MTHFD1L: variants seen among roughly 807,000 people sequenced by gnomAD.
The protein encoded by MTHFD1L is methylenetetrahydrofolate dehydrogenase (NADP+ dependent) 1 like, also known as monofunctional C1-tetrahydrofolate synthase, mitochondrial.
Under a neutral mutation model 119.5 loss-of-function variants are expected in MTHFD1L, and 81 were observed. That is an observed-to-expected ratio of 0.68 (90% CI 0.57 to 0.82). The LOEUF is 0.82. Among genes scored for constraint, MTHFD1L ranks in the 40% least tolerant of loss-of-function variants. The pLI, the probability that MTHFD1L is intolerant of heterozygous loss-of-function variation, is 0.00. For missense variants in MTHFD1L, 1,125 were observed against 1,253.4 expected, an observed-to-expected ratio of 0.90 and a Z score of 1.55; for synonymous variants, 430 against 475.2, an observed-to-expected ratio of 0.90 and a Z score of 1.24.
At chr6:150,871,044 C>T (rs1286394460) in intron 1 of MTHFD1L, among the ~76,000 whole-genome samples, 1 of 137,364 alleles carries the variant, frequency 7.3e-6, no homozygotes. Context: ...ATATATATAC[C>T]TTATAATATA....
intron 27 of MTHFD1L, among the ~76,000 whole-genome samples, chr6:151,095,140 T>C (rs75117175): frequency 0.06 from 9,202 of 152,314 alleles, 368 homozygotes; most frequent in South Asian, 0.14. Context: ...GCATCTTTGA[T>C]CTTTGTTATT....
intron 7 of MTHFD1L, among the ~76,000 whole-genome samples, chr6:150,895,260 G>A (rs1784030645): frequency 6.6e-6 from 1 of 152,214 alleles, no homozygotes; most frequent in Non-Finnish European, 1.5e-5. Context: ...CCAGTCTGAA[G>A]TGGGTGTGGT....
chr6:150,959,783 T>C (rs12214306), intron 17 of MTHFD1L, among the ~76,000 whole-genome samples: 3,897 of 152,304 alleles, frequency 0.026, 77 homozygotes, highest in South Asian at 0.038. Flanking sequence ...AGGTGGCCCG[T>C]AGGCTAGTCA....
In MTHFD1L at chr6:150,866,702, T is replaced by C. The variant is rs112598156; in HGVS notation, c.227+653T>C. ...GAGGTCTCAGCGCTGGTTTCCAGCT[T>C]CGCCGCGCAGCGCCCACGGAGTCCC... On this transcript the variant is annotated intron_variant, in intron 1 of 27. Coordinates refer to ENST00000367321, the MANE Select transcript of MTHFD1L (RefSeq NM_015440.5). 1.4e-3 allele frequency: 1,555 copies of C among 1,131,494 alleles called. 19 individuals are homozygous for C. The African/African-American group carries it at 0.023, about 17-fold the overall frequency. 70.1% of individuals were successfully genotyped at this position (1,131,494 alleles called of 1,614,324 possible).
chr6:150,899,441 A>C (rs1263188683), intron 7 of MTHFD1L, among the ~76,000 whole-genome samples: 1 of 152,234 alleles, frequency 6.6e-6, no homozygotes, highest in Non-Finnish European at 1.5e-5. Flanking sequence ...AGTGGGTAAA[A>C]TACCTTTTGC....
At chr6:150,872,003 G>A (rs1305875729) in intron 1 of MTHFD1L, among the ~76,000 whole-genome samples, 1 of 151,462 alleles carries the variant, frequency 6.6e-6, no homozygotes, top group African/African-American at 2.4e-5. Context: ...TCAGCCTCCC[G>A]AGTAGCTGGG....
chr6:150,961,231 T>C (rs1311476489), intron 18 of MTHFD1L, among the ~76,000 whole-genome samples: 1 of 151,946 alleles, frequency 6.6e-6, no homozygotes, highest in Admixed American at 6.6e-5. Flanking sequence ...GTAGCTGAGA[T>C]TACAGGCGCA....
At chr6:150,968,385 A>C (rs1203039548) in intron 19 of MTHFD1L, among the ~76,000 whole-genome samples, 1 of 152,274 alleles carries the variant, frequency 6.6e-6, no homozygotes, top group African/African-American at 2.4e-5. Flanking sequence ...ATTTATTAAT[A>C]AATAACTGAA....
At chr6:150,972,396 G>A (rs1396730112) in intron 20 of MTHFD1L, among the ~76,000 whole-genome samples, 2 of 152,168 alleles carry the variant, frequency 1.3e-5, no homozygotes, top group African/African-American at 4.8e-5. Flanking sequence ...AAACCTTTTA[G>A]GGTTGTTATG....
intron 26 of MTHFD1L, among the ~76,000 whole-genome samples, chr6:151,072,299 T>C (rs1475480891): frequency 1.3e-5 from 2 of 152,210 alleles, no homozygotes; most frequent in African/African-American, 4.8e-5. Context: ...GGACTTTTTA[T>C]TAATTTTATT....
chr6:150,962,152 G>A (rs532196162), intron 18 of MTHFD1L, among the ~76,000 whole-genome samples: 19 of 152,088 alleles, frequency 1.2e-4, no homozygotes, highest in African/African-American at 4.6e-4. Context: ...GCCACACCCG[G>A]CTAATTTTTG....
At chr6:150,873,198 C>G (rs1583302273) in intron 1 of MTHFD1L, among the ~76,000 whole-genome samples, 1 of 151,900 alleles carries the variant, frequency 6.6e-6, no homozygotes, top group East Asian at 1.9e-4. Context: ...ACCAGTAGTC[C>G]CAGCTACTCA....
At chr6:150,900,207 C>T (rs747375978) in intron 7 of MTHFD1L, among the ~76,000 whole-genome samples, 8 of 151,798 alleles carry the variant, frequency 5.3e-5, no homozygotes, top group Non-Finnish European at 1.2e-4. Context: ...AGTGAGTCAC[C>T]GGTAGTTCCT....
intron 17 of MTHFD1L, among the ~76,000 whole-genome samples, chr6:150,957,446 A>C (rs1795807502): frequency 6.6e-6 from 1 of 152,182 alleles, no homozygotes; most frequent in South Asian, 2.1e-4. Context: ...TTTTTGGATG[A>C]GTTTGTTATT....
chr6:150,925,156 C>T (rs562732821), intron 10 of MTHFD1L, among the ~76,000 whole-genome samples: 2 of 152,226 alleles, frequency 1.3e-5, no homozygotes, highest in Admixed American at 1.3e-4. Flanking sequence ...GTTGATCTGC[C>T]CACCGCAAGG....
chr6:150,932,900 G>GGAAA, intron 11 of MTHFD1L, among the ~76,000 whole-genome samples: 1 of 137,864 alleles, frequency 7.3e-6, no homozygotes, highest in African/African-American at 2.9e-5. Context: ...GGAAGGAAAA[G>GGAAA]AGAGAAAGAA....
intron 16 of MTHFD1L, 94 bp downstream of exon 16, chr6:150,949,227 T>C: frequency 2.1e-6 from 2 of 944,728 alleles, no homozygotes; most frequent in Non-Finnish European, 3.3e-6. Context: ...AGTTTGATCC[T>C]GTCCAGTGAT....
At chr6:151,041,054 C>T (rs1787024473) in intron 26 of MTHFD1L, among the ~76,000 whole-genome samples, 3 of 152,182 alleles carry the variant, frequency 2.0e-5, no homozygotes, top group Non-Finnish European at 2.9e-5. Context: ...TGGCCACACA[C>T]GGGGTCGCAG....
At chr6:151,076,073 A>G (rs144268997) in intron 26 of MTHFD1L, among the ~76,000 whole-genome samples, 2 of 152,232 alleles carry the variant, frequency 1.3e-5, no homozygotes, top group African/African-American at 4.8e-5. Flanking sequence ...AATGTCTACA[A>G]TTAAAAAGAT....
Sources: gnomAD v4.1 joint callset for allele counts (sites outside exome capture counted in the v4.1 genomes callset) on GRCh38, gnomAD v4.1.1 for gene constraint, MANE v1.5 for transcripts, NCBI Gene and HGNC (gene_info 2026-07-23, HGNC 2026-07-21) for gene names.